The following NF1 variants were observed in gnomAD, a reference collection of about 807,000 sequenced individuals.
The protein encoded by NF1 is neurofibromin.
Under a neutral mutation model 325.7 loss-of-function variants are expected in NF1, and 122 were observed. The ratio of observed to expected loss-of-function variants is 0.37; its 90% CI spans 0.32 to 0.44. The LOEUF (loss-of-function observed/expected upper bound fraction) is 0.44. NF1 is among the 20% of genes least tolerant of loss of function. The probability of loss-of-function intolerance (pLI) is 1.00; values close to 1 mark genes in which losing one functional copy is unlikely to be tolerated. For synonymous variants in NF1, 1,091 were observed against 1,186.0 expected (o/e 0.92, Z 1.65); for missense variants, 2,140 against 3,415.4 (o/e 0.63, Z 9.31).
chr17:31,182,422 G>T, intron 7 of NF1, 86 bp from the exon 8 acceptor site: 1 of 1,333,458 alleles, frequency 7.5e-7, no homozygotes, highest in Non-Finnish European at 1.1e-6. Context: ...TGTTGCCCTT[G>T]GGTTTTTACA....
chr17:31,299,192 T>C (rs545419787), intron 36 of NF1, among the ~76,000 whole-genome samples: 1 of 152,212 alleles, frequency 6.6e-6, no homozygotes, highest in East Asian at 1.9e-4. Flanking sequence ...TCTCTTACAC[T>C]GGGTGCAGCA....
At chr17:31,258,572 A>G in intron 32 of NF1, 70 bp downstream of exon 32, 1 of 1,433,856 alleles carries the variant, frequency 7.0e-7, no homozygotes, top group South Asian at 1.2e-5. Flanking sequence ...TTCTTACAGT[A>G]CTTCCTCTTA....
chr17:31,146,492 A>G (rs963781468), intron 1 of NF1, among the ~76,000 whole-genome samples: 8 of 152,152 alleles, frequency 5.3e-5, no homozygotes, highest in Non-Finnish European at 1.0e-4. Flanking sequence ...TATAAGTGTA[A>G]TAAATGGGCG....
At chr17:31,261,926 A>G (rs1253356457) in intron 35 of NF1, 69 bp downstream of exon 35, 2 of 1,493,562 alleles carry the variant, frequency 1.3e-6, no homozygotes, top group East Asian at 4.5e-5. Context: ...CCACCAGGCC[A>G]CTTGTTAGAT....
At chr17:31,179,799 A>G (rs1038180694) in intron 5 of NF1, among the ~76,000 whole-genome samples, 2 of 151,972 alleles carry the variant, frequency 1.3e-5, no homozygotes, top group Non-Finnish European at 2.9e-5. Context: ...AAAAAAAATC[A>G]ATGAATCCAG....
chr17:31,319,660 T>C (rs1319708456), intron 36 of NF1, among the ~76,000 whole-genome samples: 1 of 151,818 alleles, frequency 6.6e-6, no homozygotes, highest in Non-Finnish European at 1.5e-5. Context: ...GCAATTTTAC[T>C]GTGGTGGTTG....
intron 1 of NF1, among the ~76,000 whole-genome samples, chr17:31,098,688 C>G (rs927095657): frequency 6.6e-6 from 1 of 151,784 alleles, no homozygotes; most frequent in African/African-American, 2.4e-5. Flanking sequence ...GATCCCAGCA[C>G]TTTGGGAGGC....
intron 36 of NF1, among the ~76,000 whole-genome samples, chr17:31,319,865 G>C (rs2069134739): frequency 6.6e-6 from 1 of 151,126 alleles, no homozygotes; most frequent in Admixed American, 6.6e-5. Context: ...TTCTGATTTT[G>C]ACATAATTGT....
At chr17:31,112,879 T>C (rs959588663) in intron 1 of NF1, among the ~76,000 whole-genome samples, 2 of 152,234 alleles carry the variant, frequency 1.3e-5, no homozygotes, top group African/African-American at 2.4e-5. Flanking sequence ...ATTTAGGATT[T>C]ATACTAACGT....
chr17:31,193,299 G>A (rs1358117378), intron 8 of NF1, among the ~76,000 whole-genome samples: 2 of 152,124 alleles, frequency 1.3e-5, no homozygotes, highest in Non-Finnish European at 2.9e-5. Context: ...CTAGGTCATT[G>A]TCTTTAACTG....
At chr17:31,129,552 C>T (rs1339900436) in intron 1 of NF1, among the ~76,000 whole-genome samples, 1 of 151,450 alleles carries the variant, frequency 6.6e-6, no homozygotes, top group African/African-American at 2.4e-5. Flanking sequence ...GCCTCAGCCT[C>T]CTGAGTTGCT....
In NF1 at chr17:31,338,125, C is replaced by T. The variant is rs1555534961; in HGVS notation, c.6805C>T (p.Arg2269Cys). 5 of 1,612,290 alleles carry T rather than the reference C, an allele frequency of 3.1e-6. No homozygotes were observed. The highest frequency in any genetic ancestry group is 3.4e-6 in the Non-Finnish European group (4 of 1,178,466). The change falls in exon 45 of 58, where the codon CGT becomes TGT. Residue 2269 changes from arginine to cysteine, a missense_variant. Arg to Cys is a radical substitution (Grantham distance 180). This residue lies in a region of NF1 where 522 missense variants were observed against 749.0 expected (regional missense o/e 0.70). Transcript: ENST00000358273. ...VSHGQIKQIIRILSKALESCL... is the reference protein window; with the variant it reads ...VSHGQIKQIICILSKALESCL... ...TCATGGGCAGATAAAGCAGATAATC[C>T]GTATTCTTAGCAAGGTACCTGTTCC... is the stretch of plus-strand genomic sequence containing the variant.
rs1429657017 is a variant in NF1, at chr17:31,095,097, C to A, written c.-213C>A. On this transcript the variant is annotated 5_prime_UTR_variant, in exon 1 of 58. Coordinates refer to ENST00000358273, the MANE Select transcript of NF1 (RefSeq NM_001042492.3). ...CCGGGTCCCCTTCCCCTATCCCCCT[C>A]CCCCCAGCCTCCTTGCCAACGCCCC... 6 of 441,318 alleles carry A rather than the reference C, an allele frequency of 1.4e-5. No individual in the cohort carries two copies. The highest frequency in any genetic ancestry group is 1.1e-4 in the South Asian group (2 of 18,946). 27.3% of individuals were successfully genotyped at this position (441,318 alleles called of 1,614,324 possible). A position where few individuals can be genotyped will look rare whatever the true frequency, so the allele number is the denominator to read the frequency against.
chr17:31,327,914 A>G (rs2151542186), intron 38 of NF1, 75 bp downstream of exon 38: 2 of 1,349,106 alleles, frequency 1.5e-6, no homozygotes, highest in Non-Finnish European at 2.1e-6. Flanking sequence ...AATGAATTTT[A>G]AAACAGCCTC....
chr17:31,334,931 A>G lies in NF1; in HGVS notation c.5906A>G (p.Gln1969Arg). 1 of 1,613,874 alleles carries G rather than the reference A, an allele frequency of 6.2e-7. No individual in the cohort carries two copies. The highest frequency in any genetic ancestry group is 8.5e-7 in the Non-Finnish European group (1 of 1,179,934). Residue 1969 changes from glutamine (Q) to arginine (R), a missense_variant, in exon 40 of 58, where the codon CAA (glutamine) becomes CGA (arginine). Physicochemically the swap from Gln to Arg is conservative, Grantham distance 43. Coordinates refer to ENST00000358273, the MANE Select transcript of NF1 (RefSeq NM_001042492.3). ...AAGCATAATGATGATGCCAAACGAC[A>G]AAGAGTTACTGCTATTCTTGACAAG... Reference protein sequence around the residue: ...FCKHNDDAKRQRVTAILDKLI... With the variant: ...FCKHNDDAKRRRVTAILDKLI...
At chr17:31,238,894 G>T (rs2067247972) in intron 29 of NF1, among the ~76,000 whole-genome samples, 1 of 152,202 alleles carries the variant, frequency 6.6e-6, no homozygotes, top group East Asian at 1.9e-4. Flanking sequence ...AAGAGCACTA[G>T]AGGAAATGGG....
chr17:31,230,175 G>A lies in NF1; in HGVS notation c.2991-85G>A, dbSNP rs114031786. 5.0e-4 allele frequency: 759 copies of A among 1,507,368 alleles called. 2 individuals are homozygous for A. The African/African-American group carries it at 7.7e-3, about 15-fold the overall frequency. 93.4% of individuals were successfully genotyped at this position (1,507,368 alleles called of 1,614,324 possible). Reference sequence around the variant, plus strand: ...TTGTTTTCAAACTTACATTTAATTCGTTTTACTTGATGACTAAAGTATTTA... The same window carrying A: ...TTGTTTTCAAACTTACATTTAATTCATTTTACTTGATGACTAAAGTATTTA... On this transcript the variant is annotated intron_variant, in intron 22 of 57. Transcript: ENST00000358273.
intron 36 of NF1, among the ~76,000 whole-genome samples, chr17:31,302,281 T>G (rs534616767): frequency 6.5e-4 from 99 of 152,280 alleles, no homozygotes; most frequent in African/African-American, 2.3e-3. Flanking sequence ...CAGCTCCCGT[T>G]TAATCTAAGA....
At chr17:31,244,350 A>G (rs2067355138) in intron 29 of NF1, among the ~76,000 whole-genome samples, 1 of 151,974 alleles carries the variant, frequency 6.6e-6, no homozygotes, top group Non-Finnish European at 1.5e-5. Context: ...CCCCAAGTCC[A>G]CTGGCTCTGA....
Sources: gnomAD v4.1 joint callset for allele counts (sites outside exome capture counted in the v4.1 genomes callset) on GRCh38, gnomAD v4.1.1 for gene constraint, gnomAD v4.1.1 regional missense constraint, MANE v1.5 for transcripts, NCBI Gene and HGNC (gene_info 2026-07-23, HGNC 2026-07-21) for gene names.